PLD5: variants seen among roughly 807,000 people sequenced by gnomAD.
PLD5 encodes the protein phospholipase D family member 5, also known as inactive phospholipase D5.
In PLD5, 36 loss-of-function variants were observed where a neutral mutation model predicts 61.1. That is an observed-to-expected ratio of 0.59 (90% CI 0.45 to 0.78). The LOEUF (loss-of-function observed/expected upper bound fraction) is 0.78. PLD5 is among the 30% of genes least tolerant of loss of function. PLD5 has a pLI of 0.00. For synonymous variants in PLD5, 243 were observed against 242.8 expected (o/e 1.00, Z -0.01); for missense variants, 515 against 644.4 (o/e 0.80, Z 2.17).
chr1:242,099,279 T>A (rs1275257714), intron 9 of PLD5, among the ~76,000 whole-genome samples: 2 of 151,896 alleles, frequency 1.3e-5, no homozygotes, highest in Non-Finnish European at 2.9e-5. Flanking sequence ...CCCACCACCA[T>A]GTCCAGCAAA....
chr1:242,297,674 C>A (rs1393734193), intron 2 of PLD5, among the ~76,000 whole-genome samples: 3 of 145,582 alleles, frequency 2.1e-5, no homozygotes, highest in African/African-American at 7.8e-5. Context: ...GCTCTGTCGC[C>A]CAGGCCGGAC....
intron 1 of PLD5, among the ~76,000 whole-genome samples, chr1:242,486,889 G>T (rs543444762): frequency 1.4e-4 from 21 of 150,778 alleles, no homozygotes; most frequent in East Asian, 7.8e-4. Context: ...CCATAAAAAA[G>T]GATGAGTTCA....
intron 5 of PLD5, among the ~76,000 whole-genome samples, chr1:242,141,182 C>A (rs1664136613): frequency 6.6e-6 from 1 of 152,136 alleles, no homozygotes; most frequent in African/African-American, 2.4e-5. Context: ...TCTGAAGACG[C>A]AACACAGCCT....
intron 2 of PLD5, among the ~76,000 whole-genome samples, chr1:242,314,872 C>T (rs1376145546): frequency 1.3e-5 from 2 of 151,786 alleles, no homozygotes; most frequent in Admixed American, 6.6e-5. Context: ...TATTGTATGC[C>T]AACTGATAGA....
chr1:242,105,569 T>G (rs180950914), intron 8 of PLD5, among the ~76,000 whole-genome samples: 1 of 152,138 alleles, frequency 6.6e-6, no homozygotes, highest in South Asian at 2.1e-4. Flanking sequence ...ATAAATAGGC[T>G]CAGGGAAGGA....
chr1:242,480,853 G>T (rs776814637), intron 1 of PLD5, among the ~76,000 whole-genome samples: 1 of 152,234 alleles, frequency 6.6e-6, no homozygotes, highest in African/African-American at 2.4e-5. Flanking sequence ...TACATAGCAT[G>T]TGTTGGCGAG....
intron 1 of PLD5, among the ~76,000 whole-genome samples, chr1:242,516,392 T>C (rs1346957457): frequency 6.6e-6 from 1 of 151,928 alleles, no homozygotes; most frequent in African/African-American, 2.4e-5. Flanking sequence ...ATTGGGATTA[T>C]TAAAACTGCT....
chr1:242,173,158 T>C (rs530359104), intron 5 of PLD5, among the ~76,000 whole-genome samples: 19 of 152,224 alleles, frequency 1.2e-4, no homozygotes, highest in Non-Finnish European at 2.4e-4. Flanking sequence ...GAAAACCCCA[T>C]CGTCTCAGCC....
chr1:242,375,716 C>T (rs564087100), intron 1 of PLD5, among the ~76,000 whole-genome samples: 18 of 152,168 alleles, frequency 1.2e-4, no homozygotes, highest in African/African-American at 2.6e-4. Flanking sequence ...GAACTATAAA[C>T]GGAAGGGCCA....
At chr1:242,527,323 G>A (rs755636597), upstream of PLD5, among the ~76,000 whole-genome samples, 1 of 151,670 alleles carries the variant, frequency 6.6e-6, no homozygotes, top group African/African-American at 2.4e-5. Context: ...TTTAGTAAAG[G>A]CAGGGTTTCA....
At chr1:242,526,091 A>G (rs533072133), upstream of PLD5, among the ~76,000 whole-genome samples, 1 of 152,334 alleles carries the variant, frequency 6.6e-6, no homozygotes, top group African/African-American at 2.4e-5. Context: ...CTTCAAAACA[A>G]GGATATGAAC....
At chr1:242,122,035 C>G (rs1358793751) in intron 6 of PLD5, among the ~76,000 whole-genome samples, 2 of 152,118 alleles carry the variant, frequency 1.3e-5, no homozygotes, top group African/African-American at 2.4e-5. Context: ...CACATGTATA[C>G]ATAGGTAACA....
At chr1:242,329,259 C>T (rs573852670) in intron 2 of PLD5, among the ~76,000 whole-genome samples, 1 of 152,312 alleles carries the variant, frequency 6.6e-6, no homozygotes, top group East Asian at 1.9e-4. Context: ...ATCTACCCGA[C>T]TCAGCCTCCC....
At chr1:242,238,535 C>G (rs1235308393) in intron 4 of PLD5, among the ~76,000 whole-genome samples, 1 of 152,146 alleles carries the variant, frequency 6.6e-6, no homozygotes, top group Non-Finnish European at 1.5e-5. Flanking sequence ...TACTATTGAG[C>G]TGAGGAGTTT....
Position 242,087,482 on chromosome 1 carries a change from T to A in PLD5, c.*2372A>T, listed in dbSNP as rs1405558669. 6.6e-6 allele frequency: 1 copy of A among 152,162 alleles called. No individual in the cohort carries two copies. The highest frequency in any genetic ancestry group is 2.4e-5 in the African/African-American group (1 of 41,424). The allele number at this position is 152,162 out of a possible 1,614,324, so 9.4% of individuals were successfully genotyped here. On this transcript the variant is annotated 3_prime_UTR_variant, in exon 10 of 10. Transcript: ENST00000536534. ...GGGACAACTTGAGAACTAACAAATT[T>A]TAGTTTATTTGGTTTTTTTTTCTCC... is the stretch of plus-strand genomic sequence containing the variant.
chr1:242,295,228 A>G (rs1283073263), intron 2 of PLD5, among the ~76,000 whole-genome samples: 2 of 152,074 alleles, frequency 1.3e-5, no homozygotes, highest in African/African-American at 2.4e-5. Flanking sequence ...TAGTGATCTC[A>G]TCACCCAAAC....
intron 5 of PLD5, among the ~76,000 whole-genome samples, chr1:242,194,983 A>G (rs79916315): frequency 0.012 from 1,751 of 152,248 alleles, 33 homozygotes; most frequent in African/African-American, 0.038. Flanking sequence ...TAAAGAATTT[A>G]CTCATGTAAC....
intron 5 of PLD5, among the ~76,000 whole-genome samples, chr1:242,194,624 A>G (rs1209027626): frequency 7.5e-6 from 1 of 132,558 alleles, no homozygotes; most frequent in African/African-American, 2.8e-5. Flanking sequence ...CTATGTATCT[A>G]TCTATCTATC....
chr1:242,421,601 T>C (rs2149299457), intron 1 of PLD5, among the ~76,000 whole-genome samples: 1 of 152,354 alleles, frequency 6.6e-6, no homozygotes, highest in Middle Eastern at 3.4e-3. Context: ...TGAATAGTCA[T>C]ACAGTCCCTG....
Sources: gnomAD v4.1 joint callset for allele counts (sites outside exome capture counted in the v4.1 genomes callset) on GRCh38, gnomAD v4.1.1 for gene constraint, MANE v1.5 for transcripts, NCBI Gene and HGNC (gene_info 2026-07-23, HGNC 2026-07-21) for gene names.